PALS1: variants seen among roughly 807,000 people sequenced by gnomAD.
PALS1 encodes the protein protein PALS1.
PALS1 carries 31 observed loss-of-function variants against 78.9 expected under a neutral mutation model. The ratio of observed to expected loss-of-function variants is 0.39; its 90% CI spans 0.30 to 0.53. The LOEUF (loss-of-function observed/expected upper bound fraction) is 0.53, where lower values mean the gene tolerates loss of function less well. PALS1 is among the 20% of genes least tolerant of loss of function. PALS1 has a pLI of 0.67. For synonymous variants in PALS1, 276 were observed against 270.9 expected (o/e 1.02, Z -0.18); for missense variants, 704 against 826.5 (o/e 0.85, Z 1.82).
chr14:67,326,478 G>T (rs985211353), intron 14 of PALS1, among the ~76,000 whole-genome samples: 7 of 151,764 alleles, frequency 4.6e-5, no homozygotes, highest in Non-Finnish European at 8.8e-5. Flanking sequence ...CTTTTACTTT[G>T]CTGAAGTATA....
intron 4 of PALS1, among the ~76,000 whole-genome samples, chr14:67,296,709 TTA>T (rs2084859069): frequency 6.6e-6 from 1 of 151,994 alleles, no homozygotes; most frequent in South Asian, 2.1e-4. Context: ...AAGAATTAAC[TTA>T]TATGAATAGG....
intron 7 of PALS1, 102 bp from the exon 8 acceptor site, chr14:67,303,419 GA>G (rs760053668): frequency 4.8e-6 from 4 of 835,472 alleles, no homozygotes; most frequent in Non-Finnish European, 8.0e-6. Context: ...TAAGTCTGTG[GA>G]GGGGTTCTGA....
chr14:67,286,837 CAG>C (rs2084696210), intron 3 of PALS1, among the ~76,000 whole-genome samples: 1 of 119,732 alleles, frequency 8.4e-6, no homozygotes, highest in Non-Finnish European at 1.6e-5. Context: ...AGCGTGGTGA[CAG>C]AGTGAGACCT....
chr14:67,278,336 C>A (rs888959831), intron 2 of PALS1, among the ~76,000 whole-genome samples: 2 of 149,906 alleles, frequency 1.3e-5, no homozygotes, highest in African/African-American at 5.0e-5. Context: ...GCACCCGGCC[C>A]AATTCTTTTT....
chr14:67,243,483 A>G (rs1595554641), intron 1 of PALS1, among the ~76,000 whole-genome samples: 2 of 132,052 alleles, frequency 1.5e-5, no homozygotes, highest in Admixed American at 8.1e-5. Context: ...CCACCGCCAG[A>G]ATATAATTTT....
intron 4 of PALS1, among the ~76,000 whole-genome samples, chr14:67,298,719 T>C (rs1566560588): frequency 6.6e-6 from 1 of 152,178 alleles, no homozygotes; most frequent in Non-Finnish European, 1.5e-5. Flanking sequence ...TATAGTTCAG[T>C]GTATTTTGAC....
chr14:67,246,713 C>T (rs535929073), intron 1 of PALS1, among the ~76,000 whole-genome samples: 9 of 144,228 alleles, frequency 6.2e-5, no homozygotes, highest in South Asian at 2.2e-4. Flanking sequence ...TGCAGTGGCA[C>T]GATATCAGCT....
At chr14:67,271,779 A>G (rs1027244347) in intron 2 of PALS1, 4 of 152,272 alleles carry the variant, frequency 2.6e-5, no homozygotes, top group Admixed American at 6.5e-5. Context: ...TCTGATAGAT[A>G]GAATAATGGT....
rs563442879 is a variant in PALS1 at position 67,293,454 on chromosome 14, A to G, written c.576+735A>G. Among the ~76,000 whole-genome samples the G allele has an allele frequency of 1.2e-4, 18 of 152,276 alleles. No homozygotes were observed. The South Asian group carries it at 1.7e-3, about 14-fold the overall frequency. On this transcript the variant is annotated intron_variant, in intron 4 of 14. Transcript: ENST00000261681. ...TGCCAACATGAGCAGAAAATGGGCT[A>G]TTGGGGAGGGAGGACATCTAGAGCT...
At chr14:67,323,615 A>AATATATAT (rs150511527) in intron 13 of PALS1, 87 bp from the exon 14 acceptor site, 74 of 260,306 alleles carry the variant, frequency 2.8e-4, no homozygotes, top group Middle Eastern at 1.4e-3. Context: ...CCCTTAATCT[A>AATATATAT]ATATATATAT....
chr14:67,286,140 A>T (rs1032883960), intron 3 of PALS1, among the ~76,000 whole-genome samples: 1 of 152,340 alleles, frequency 6.6e-6, no homozygotes, highest in Admixed American at 6.5e-5. Context: ...TTACTACCAA[A>T]GCTAGATTTG....
intron 1 of PALS1, among the ~76,000 whole-genome samples, chr14:67,250,900 T>C (rs1462650499): frequency 1.3e-5 from 2 of 152,236 alleles, no homozygotes; most frequent in Non-Finnish European, 2.9e-5. Context: ...TCCCCTCTTA[T>C]CCAGAATTGT....
At chr14:67,325,014 C>T (rs1044187426) in intron 14 of PALS1, among the ~76,000 whole-genome samples, 6 of 147,608 alleles carry the variant, frequency 4.1e-5, no homozygotes, top group Non-Finnish European at 4.4e-5. Flanking sequence ...ACGCCATTCT[C>T]CTGCCTCAGC....
chr14:67,292,297 C>T (rs1018633653), intron 3 of PALS1, among the ~76,000 whole-genome samples: 1 of 152,010 alleles, frequency 6.6e-6, no homozygotes, highest in Admixed American at 6.6e-5. Context: ...AATTAAAACA[C>T]CTTTGTAAAA....
intron 1 of PALS1, among the ~76,000 whole-genome samples, chr14:67,249,787 C>T (rs2084040408): frequency 1.3e-5 from 2 of 152,040 alleles, no homozygotes; most frequent in Admixed American, 1.3e-4. Context: ...ACTTAAAATA[C>T]ATTATTTTGT....
chr14:67,302,113 C>A lies in PALS1; in HGVS notation c.796C>A (p.Pro266Thr), dbSNP rs748109234. The A allele has an allele frequency of 6.2e-7, 1 of 1,600,854 alleles. No homozygotes were observed. The highest frequency in any genetic ancestry group is 1.1e-5 in the South Asian group (1 of 88,820). Residue 266 changes from proline (P) to threonine (T), a missense_variant, in exon 6 of 15, where the codon CCG becomes ACG. Transcript: ENST00000261681. ...IVRIEKARDI[P>T]LGATVRNEMD... ...TCGTATAGAAAAGGCTCGTGATATT[C>A]CGTTGGTAAGTGTCCCACATACTGT...
chr14:67,329,274 T>C (rs1416396283), intron 14 of PALS1, among the ~76,000 whole-genome samples: 1 of 151,702 alleles, frequency 6.6e-6, no homozygotes, highest in Non-Finnish European at 1.5e-5. Flanking sequence ...TTTGGCTCTC[T>C]CTTTGTCTGT....
At chr14:67,283,852 T>C (rs1404343530) in intron 3 of PALS1, among the ~76,000 whole-genome samples, 1 of 152,268 alleles carries the variant, frequency 6.6e-6, no homozygotes, top group African/African-American at 2.4e-5. Flanking sequence ...ATTCCACTTA[T>C]TAAGCAGTAG....
intron 4 of PALS1, among the ~76,000 whole-genome samples, chr14:67,299,577 G>C (rs1382921908): frequency 6.6e-6 from 1 of 152,190 alleles, no homozygotes; most frequent in African/African-American, 2.4e-5. Context: ...AAAGATAAGG[G>C]ATTAGAGTAT....
Sources: allele counts gnomAD v4.1 joint callset (sites outside exome capture counted in the v4.1 genomes callset), GRCh38; gene constraint gnomAD v4.1.1; transcripts MANE v1.5; gene names NCBI Gene and HGNC (gene_info 2026-07-23, HGNC 2026-07-21).